KCNIP1: variants seen among roughly 807,000 people sequenced by gnomAD.
KCNIP1 encodes the protein potassium voltage-gated channel interacting protein 1, also known as A-type potassium channel modulatory protein KCNIP1.
KCNIP1 carries 18 observed loss-of-function variants against 33.0 expected under a neutral mutation model. The ratio of observed to expected loss-of-function variants is 0.55; its 90% CI spans 0.38 to 0.81. The LOEUF is 0.81. Ranked by LOEUF, KCNIP1 falls within the 30% of genes least tolerant of loss-of-function variation. KCNIP1 has a pLI of 0.00. For missense variants in KCNIP1, 238 were observed against 271.6 expected (o/e 0.88, Z 0.87); for synonymous variants, 93 against 98.3 (o/e 0.95, Z 0.32).
At chr5:170,672,510 G>T (rs1761963612) in intron 1 of KCNIP1, among the ~76,000 whole-genome samples, 1 of 152,304 alleles carries the variant, frequency 6.6e-6, no homozygotes, top group East Asian at 1.9e-4. Context: ...TTCATTGTGG[G>T]GAGAATTAAT....
At chr5:170,397,057 T>C (rs1507353) in intron 1 of KCNIP1, among the ~76,000 whole-genome samples, 33,065 of 152,190 alleles carry the variant, frequency 0.22, 3,748 homozygotes, top group Middle Eastern at 0.28. Flanking sequence ...AAGAGTCTGT[T>C]TGTCATCTTA....
At chr5:170,599,916 C>A (rs1211589707) in intron 1 of KCNIP1, among the ~76,000 whole-genome samples, 1 of 152,206 alleles carries the variant, frequency 6.6e-6, no homozygotes, top group African/African-American at 2.4e-5. Context: ...CTTTCCACTG[C>A]CTATTCTGTT....
intron 1 of KCNIP1, among the ~76,000 whole-genome samples, chr5:170,669,814 C>T (rs80271170): frequency 0.039 from 5,874 of 152,278 alleles, 158 homozygotes; most frequent in Non-Finnish European, 0.059. Flanking sequence ...TTTCCATTTT[C>T]GCTTTTCCCC....
intron 1 of KCNIP1, among the ~76,000 whole-genome samples, chr5:170,358,697 C>G (rs1408113200): frequency 6.6e-6 from 1 of 152,246 alleles, no homozygotes; most frequent in African/African-American, 2.4e-5. Flanking sequence ...GGCACCCGCC[C>G]CCGCTTACAT....
At chr5:170,434,773 G>A (rs1364742051) in intron 1 of KCNIP1, among the ~76,000 whole-genome samples, 1 of 152,164 alleles carries the variant, frequency 6.6e-6, no homozygotes, top group Non-Finnish European at 1.5e-5. Flanking sequence ...TGGTCAACAT[G>A]GTGAAACCCC....
chr5:170,548,022 C>T (rs1169351534), intron 1 of KCNIP1, among the ~76,000 whole-genome samples: 3 of 152,164 alleles, frequency 2.0e-5, no homozygotes, highest in South Asian at 4.1e-4. Context: ...TGCACAACCT[C>T]GCCAGCATCT....
At chr5:170,373,162 G>T (rs1673494340) in intron 1 of KCNIP1, among the ~76,000 whole-genome samples, 1 of 152,236 alleles carries the variant, frequency 6.6e-6, no homozygotes, top group South Asian at 2.1e-4. Flanking sequence ...GCTGAGTTCT[G>T]CATCAGAGGT....
At chr5:170,676,887 G>A (rs1343712782) in intron 1 of KCNIP1, among the ~76,000 whole-genome samples, 2 of 152,198 alleles carry the variant, frequency 1.3e-5, no homozygotes, top group Non-Finnish European at 2.9e-5. Context: ...TGAAGTTTAA[G>A]CAAAAACAAA....
chr5:170,449,090 C>T lies in KCNIP1; in HGVS notation c.88+95126C>T, dbSNP rs114649378. On this transcript the variant is annotated intron_variant, in intron 1 of 7. Transcript: ENST00000377360. ...GTGTCCTTGGAAATGAGACACTAGC[C>T]CTCTCCTGTCTCATCTGCACAATAT... Among the ~76,000 whole-genome samples, 940 of 152,272 alleles carry T rather than the reference C, an allele frequency of 6.2e-3. 13 individuals carry two copies. Among genetic ancestry groups the T allele is most frequent in the African/African-American group, 0.021 (864 of 41,534 alleles).
chr5:170,613,449 T>A (rs1473993645), intron 1 of KCNIP1, among the ~76,000 whole-genome samples: 1 of 152,202 alleles, frequency 6.6e-6, no homozygotes, highest in Non-Finnish European at 1.5e-5. Flanking sequence ...TAATAGGTAC[T>A]ATTAATGCCC....
intron 1 of KCNIP1, among the ~76,000 whole-genome samples, chr5:170,561,305 C>T (rs1322733132): frequency 6.6e-6 from 1 of 152,214 alleles, no homozygotes; most frequent in Non-Finnish European, 1.5e-5. Context: ...GCTGGGACCA[C>T]CAGCTCACAA....
At chr5:170,488,455 C>G (rs1052650120) in intron 1 of KCNIP1, among the ~76,000 whole-genome samples, 1 of 152,198 alleles carries the variant, frequency 6.6e-6, no homozygotes, top group African/African-American at 2.4e-5. Flanking sequence ...CATCATCACT[C>G]TCTATGAAGC....
At chr5:170,464,519 T>C (rs3898657) in intron 1 of KCNIP1, among the ~76,000 whole-genome samples, 9,975 of 152,248 alleles carry the variant, frequency 0.066, 615 homozygotes, top group African/African-American at 0.16. Flanking sequence ...AGTGAAAACA[T>C]TGAACTGAGT....
Position 170,479,995 on chromosome 5 carries a change from A to C in KCNIP1, c.88+126031A>C, listed in dbSNP as rs563565846. ...ACACTCTCCAACACTTTTAAATAAA[A>C]CCATAAGTTTAATATGTCAGACCCT... On this transcript the variant is annotated intron_variant, in intron 1 of 7. Transcript: ENST00000377360. 6.6e-5 allele frequency among the ~76,000 whole-genome samples: 10 copies of C among 152,348 alleles called. No individual in the cohort carries two copies. The South Asian group carries it at 2.1e-3, about 32-fold the overall frequency.
chr5:170,594,007 T>A (rs1382543142), intron 1 of KCNIP1, among the ~76,000 whole-genome samples: 2 of 152,264 alleles, frequency 1.3e-5, no homozygotes, highest in Non-Finnish European at 2.9e-5. Flanking sequence ...TTCAATCTTG[T>A]GTCAAGAGCT....
intron 1 of KCNIP1, among the ~76,000 whole-genome samples, chr5:170,689,347 C>A (rs532583026): frequency 6.6e-6 from 1 of 152,282 alleles, no homozygotes; most frequent in South Asian, 2.1e-4. Context: ...GTAATAATAC[C>A]TCTGTGTTCA....
intron 1 of KCNIP1, among the ~76,000 whole-genome samples, chr5:170,627,965 A>AT: frequency 6.6e-6 from 1 of 152,212 alleles, no homozygotes; most frequent in Non-Finnish European, 1.5e-5. Context: ...AAATGCCTTC[A>AT]TCCCCCAGCG....
intron 1 of KCNIP1, among the ~76,000 whole-genome samples, chr5:170,492,419 G>A (rs924657310): frequency 1.3e-5 from 2 of 152,224 alleles, no homozygotes; most frequent in South Asian, 2.1e-4. Context: ...ACTTGGACGC[G>A]TTCTCCAACA....
At chr5:170,681,686 A>T (rs1945355199) in intron 1 of KCNIP1, among the ~76,000 whole-genome samples, 1 of 152,230 alleles carries the variant, frequency 6.6e-6, no homozygotes, top group South Asian at 2.1e-4. Context: ...CTCAACCCTT[A>T]TAAGAACCCT....
Sources: allele counts gnomAD v4.1 joint callset (sites outside exome capture counted in the v4.1 genomes callset), GRCh38; gene constraint gnomAD v4.1.1; transcripts MANE v1.5; gene names NCBI Gene and HGNC (gene_info 2026-07-23, HGNC 2026-07-21).